SDK1: variants seen among roughly 807,000 people sequenced by gnomAD.
The protein encoded by SDK1 is sidekick cell adhesion molecule 1.
Under a neutral mutation model 245.5 loss-of-function variants are expected in SDK1, and 157 were observed. That is an observed-to-expected ratio of 0.64 (90% CI 0.56 to 0.73). The LOEUF is 0.73. Ranked by LOEUF, SDK1 falls within the 30% of genes least tolerant of loss-of-function variation. The pLI, the probability that SDK1 is intolerant of heterozygous loss-of-function variation, is 0.00. For missense variants in SDK1, 3,583 were observed against 3,002.3 expected, an observed-to-expected ratio of 1.19 and a Z score of -4.52; for synonymous variants, 1,647 against 1,278.5, an observed-to-expected ratio of 1.29 and a Z score of -6.15.
chr7:3,414,850 T>C (rs1779317793), intron 1 of SDK1, among the ~76,000 whole-genome samples: 1 of 152,226 alleles, frequency 6.6e-6, no homozygotes, highest in African/African-American at 2.4e-5. Flanking sequence ...TGTGATTCTC[T>C]TCTTTCACTT....
chr7:3,544,529 G>A (rs1350314154), intron 1 of SDK1, among the ~76,000 whole-genome samples: 2 of 152,208 alleles, frequency 1.3e-5, no homozygotes, highest in African/African-American at 4.8e-5. Flanking sequence ...ATGAGTCGTT[G>A]GCCTAATGAT....
intron 4 of SDK1, among the ~76,000 whole-genome samples, chr7:3,771,017 C>T (rs1295488270): frequency 6.6e-6 from 1 of 152,108 alleles, no homozygotes; most frequent in East Asian, 1.9e-4. Context: ...GGTGTTTTTT[C>T]TGGTCTTGGC....
At chr7:3,534,040 C>T (rs1428048592) in intron 1 of SDK1, among the ~76,000 whole-genome samples, 2 of 152,096 alleles carry the variant, frequency 1.3e-5, no homozygotes, top group Non-Finnish European at 2.9e-5. Flanking sequence ...GAACTTTTTA[C>T]CTTTTGATTA....
At chr7:4,229,473 A>G (rs2096212764) in intron 40 of SDK1, among the ~76,000 whole-genome samples, 1 of 152,244 alleles carries the variant, frequency 6.6e-6, no homozygotes, top group Admixed American at 6.5e-5. Context: ...ATTCTGTATC[A>G]ATATTTTAAA....
At chr7:4,222,293 CTTCT>C (rs1785188954) in intron 40 of SDK1, among the ~76,000 whole-genome samples, 2 of 152,208 alleles carry the variant, frequency 1.3e-5, no homozygotes, top group East Asian at 3.9e-4. Flanking sequence ...TTTCTAGAAA[CTTCT>C]TTATTTTATT....
chr7:3,613,776 C>T (rs958939617), intron 1 of SDK1, among the ~76,000 whole-genome samples: 9 of 152,136 alleles, frequency 5.9e-5, no homozygotes, highest in Admixed American at 2.0e-4. Flanking sequence ...ACATATACAC[C>T]ATGGAATACT....
intron 4 of SDK1, among the ~76,000 whole-genome samples, chr7:3,769,905 A>T (rs182727395): frequency 5.3e-4 from 80 of 150,752 alleles, no homozygotes; most frequent in Non-Finnish European, 8.8e-4. Flanking sequence ...TCAAACACTC[A>T]GATTTTCTCA....
Position 3,915,099 on chromosome 7 carries a change from C to T in SDK1, c.848-35824C>T, listed in dbSNP as rs570386578. On this transcript the variant is annotated intron_variant, in intron 5 of 44. Transcript: ENST00000404826. ...GTGGAATCTGAGAGCTTTCAATTAGCCCCTAAGGGCACGAGAAGTTGAGGG... is the reference window on the plus strand; with the variant it reads ...GTGGAATCTGAGAGCTTTCAATTAGTCCCTAAGGGCACGAGAAGTTGAGGG... Among the ~76,000 whole-genome samples, 27 of 152,300 alleles carry T rather than the reference C, an allele frequency of 1.8e-4. No individual in the cohort carries two copies. The South Asian group carries it at 5.0e-3, about 28-fold the overall frequency.
At chr7:3,687,056 A>AACACACACACACACACACAC (rs200034994) in intron 4 of SDK1, among the ~76,000 whole-genome samples, 1,855 of 135,096 alleles carry the variant, frequency 0.014, 53 homozygotes, top group African/African-American at 0.041. Context: ...ATAGCATCAA[A>AACACACACACACACACACAC]ACACACACAC....
At chr7:4,100,049 C>T (rs573437329) in intron 22 of SDK1, among the ~76,000 whole-genome samples, 6 of 152,182 alleles carry the variant, frequency 3.9e-5, no homozygotes, top group East Asian at 3.9e-4. Context: ...AGATTTTGGC[C>T]GAGGAGCCAC....
intron 1 of SDK1, among the ~76,000 whole-genome samples, chr7:3,521,520 C>G (rs1321436179): frequency 6.6e-6 from 1 of 152,124 alleles, no homozygotes; most frequent in East Asian, 1.9e-4. Flanking sequence ...TGGTAAAAAA[C>G]TAACTGGGAA....
At chr7:3,323,870 C>A (rs76466276) in intron 1 of SDK1, among the ~76,000 whole-genome samples, 1 of 152,176 alleles carries the variant, frequency 6.6e-6, no homozygotes, top group Non-Finnish European at 1.5e-5. Context: ...GTTTATTGAT[C>A]TGTAGATAGG....
chr7:3,308,238 A>C (rs1232258608), intron 1 of SDK1, among the ~76,000 whole-genome samples: 1 of 152,164 alleles, frequency 6.6e-6, no homozygotes, highest in Non-Finnish European at 1.5e-5. Flanking sequence ...CAAGGCTAAC[A>C]AATCTGGAGG....
intron 5 of SDK1, among the ~76,000 whole-genome samples, chr7:3,899,160 A>G (rs1781698786): frequency 6.6e-6 from 1 of 152,212 alleles, no homozygotes; most frequent in African/African-American, 2.4e-5. Flanking sequence ...GTCTTTGGAA[A>G]GCAAAGTTGT....
chr7:3,416,452 T>C (rs1462581402), intron 1 of SDK1, among the ~76,000 whole-genome samples: 3 of 146,848 alleles, frequency 2.0e-5, no homozygotes, highest in Non-Finnish European at 4.5e-5. Flanking sequence ...TATTTCCACA[T>C]GGCTTTCGTT....
chr7:4,218,379 C>CGA (rs1784954292), intron 38 of SDK1, among the ~76,000 whole-genome samples: 1 of 150,756 alleles, frequency 6.6e-6, no homozygotes, highest in East Asian at 1.9e-4. Context: ...GATGACAGAG[C>CGA]GAGACTCCGT....
At position 4,012,129 on chromosome 7, in the gene SDK1, C is replaced by T; in HGVS notation, c.2314C>T (p.Pro772Ser). The T allele has an allele frequency of 6.3e-7, 1 of 1,575,536 alleles. No homozygotes were observed. ...ACCTGAAGAACCACCCAGTGCTCCC[C>T]CGAAAAATATAGTGGCCAGTGGGCG... ...MLPEEPPSAP[P>S]KNIVASGRTN... The change falls in exon 16 of 45, where the codon CCG becomes TCG. Residue 772 changes from proline (P) to serine (S), a missense_variant. Physicochemically the swap from Pro to Ser is moderately conservative, Grantham distance 74 (BLOSUM62 -1). Coordinates refer to ENST00000404826, the MANE Select transcript of SDK1 (RefSeq NM_152744.4).
intron 1 of SDK1, among the ~76,000 whole-genome samples, chr7:3,434,881 G>C (rs1254962292): frequency 3.9e-5 from 6 of 152,174 alleles, no homozygotes; most frequent in Admixed American, 3.9e-4. Context: ...ATACAGGTTA[G>C]AATTGGCCAT....
At chr7:3,431,904 A>C (rs1392145586) in intron 1 of SDK1, among the ~76,000 whole-genome samples, 2 of 152,162 alleles carry the variant, frequency 1.3e-5, no homozygotes, top group African/African-American at 2.4e-5. Context: ...GTTTATAAAA[A>C]GATTCTCCCT....
Sources: allele counts gnomAD v4.1 joint callset (sites outside exome capture counted in the v4.1 genomes callset), GRCh38; gene constraint gnomAD v4.1.1; transcripts MANE v1.5; gene names NCBI Gene and HGNC (gene_info 2026-07-23, HGNC 2026-07-21).